SLCO1B3: variants seen among roughly 807,000 people sequenced by gnomAD.
SLCO1B3 encodes liver-specific organic anion transporter 2.
In SLCO1B3, 72 loss-of-function variants were observed where a neutral mutation model predicts 71.8. The observed-to-expected ratio is 1.00, with a 90% CI of 0.83 to 1.22. The LOEUF (loss-of-function observed/expected upper bound fraction) is 1.22, where lower values mean the gene tolerates loss of function less well. Among genes scored for constraint, SLCO1B3 ranks in the 50% most tolerant of loss-of-function variants. The probability of loss-of-function intolerance (pLI) is 0.00; values close to 1 mark genes in which losing one functional copy is unlikely to be tolerated. For missense variants in SLCO1B3, 911 were observed against 819.7 expected, an observed-to-expected ratio of 1.11 and a Z score of -1.36; for synonymous variants, 298 against 278.4, an observed-to-expected ratio of 1.07 and a Z score of -0.70.
chr12:20,812,153 C>T (rs954875181), intron 1 of SLCO1B3, among the ~76,000 whole-genome samples: 32 of 152,082 alleles, frequency 2.1e-4, no homozygotes, highest in Middle Eastern at 3.4e-3. Context: ...GTGATCTGCC[C>T]GCCTCGGCCT....
intron 3 of SLCO1B3, among the ~76,000 whole-genome samples, chr12:20,822,990 A>T (rs893819218): frequency 4.6e-5 from 7 of 152,124 alleles, no homozygotes; most frequent in Admixed American, 3.9e-4. Flanking sequence ...CATGGCTGTG[A>T]TGTTTTATTC....
In SLCO1B3 at chr12:20,814,871, C is replaced by T. The variant is rs368459847; in HGVS notation, c.-65-803C>T. On this transcript the variant is annotated intron_variant, in intron 2 of 15. Transcript: ENST00000381545. The stretch of plus-strand genomic sequence containing the variant: ...GAGATCACGCTACTGCCCTCCAGCC[C>T]GGGAGACAGAGCAAGACTCCGTCTC... 2.4e-4 allele frequency among the ~76,000 whole-genome samples: 36 copies of T among 147,358 alleles called. 1 individual carries two copies. The South Asian group carries it at 7.5e-3, about 31-fold the overall frequency.
Position 20,862,765 on chromosome 12 carries a change from A to G in SLCO1B3, c.638A>G (p.Asn213Ser), listed in dbSNP as rs923517038. The change falls in exon 8 of 16, where the codon AAT (asparagine) becomes AGT (serine). Residue 213 changes from asparagine to serine, a missense_variant. Coordinates refer to ENST00000381545, the MANE Select transcript of SLCO1B3 (RefSeq NM_019844.4). The stretch of plus-strand genomic sequence containing the variant: ...TTTGTAATACTTACAGGTAGTTTGA[A>G]TGCAATAGGAATGATTGGTCCAGTC... ...GHSSLYLGSLNAIGMIGPVIG... is the reference protein window; with the variant it reads ...GHSSLYLGSLSAIGMIGPVIG... The G allele has an allele frequency of 3.1e-6, 5 of 1,607,202 alleles. No homozygotes were observed. The highest frequency in any genetic ancestry group is 1.3e-5 in the African/African-American group (1 of 74,898).
At chr12:20,904,691 G>T (rs1302139774) in intron 15 of SLCO1B3, among the ~76,000 whole-genome samples, 1 of 147,406 alleles carries the variant, frequency 6.8e-6, no homozygotes, top group South Asian at 2.1e-4. Context: ...TCTCTGTACT[G>T]CCCTAGTATA....
At chr12:20,881,164 T>G (rs1865687321) in intron 12 of SLCO1B3, 144 bp downstream of exon 12, 1 of 584,078 alleles carries the variant, frequency 1.7e-6, no homozygotes, top group Non-Finnish European at 2.9e-6. Context: ...GTCCTCGTGA[T>G]AGCTGTGAAG....
chr12:20,876,570 A>T (rs995200752), intron 9 of SLCO1B3, among the ~76,000 whole-genome samples: 1 of 151,998 alleles, frequency 6.6e-6, no homozygotes, highest in African/African-American at 2.4e-5. Context: ...TTGTGTATTC[A>T]CTCATGAGAG....
intron 14 of SLCO1B3, among the ~76,000 whole-genome samples, chr12:20,900,593 A>G (rs2120377442): frequency 6.6e-6 from 1 of 152,330 alleles, no homozygotes; most frequent in South Asian, 2.1e-4. Flanking sequence ...CAGACCACTG[A>G]AAATATATGC....
chr12:20,883,366 C>G, intron 12 of SLCO1B3, 52 bp from the exon 13 acceptor site: 1 of 1,031,290 alleles, frequency 9.7e-7, no homozygotes, highest in Non-Finnish European at 1.4e-6. Flanking sequence ...GTATTCATAG[C>G]CCTGTTGTAT....
At chr12:20,907,994 G>T (rs979634073) in intron 15 of SLCO1B3, among the ~76,000 whole-genome samples, 21 of 152,100 alleles carry the variant, frequency 1.4e-4, no homozygotes, top group Non-Finnish European at 2.6e-4. Flanking sequence ...ATAACATTTT[G>T]AAATGGTGAT....
At chr12:20,893,166 G>A (rs1865936607) in intron 13 of SLCO1B3, among the ~76,000 whole-genome samples, 1 of 152,122 alleles carries the variant, frequency 6.6e-6, no homozygotes. Flanking sequence ...TGAGGACTGG[G>A]ATGGCCAAAA....
chr12:20,904,962 T>C (rs1187315173), intron 15 of SLCO1B3, among the ~76,000 whole-genome samples: 1 of 151,998 alleles, frequency 6.6e-6, no homozygotes, highest in East Asian at 1.9e-4. Flanking sequence ...TTAGTAGAGA[T>C]GGGGTCTTGC....
intron 3 of SLCO1B3, among the ~76,000 whole-genome samples, chr12:20,831,797 A>C (rs1427626212): frequency 6.6e-6 from 1 of 152,208 alleles, no homozygotes; most frequent in African/African-American, 2.4e-5. Context: ...AAATAGATCT[A>C]ATTCAGCAAC....
chr12:20,848,846 AAG>A (rs1276603422), intron 3 of SLCO1B3, among the ~76,000 whole-genome samples: 3 of 152,156 alleles, frequency 2.0e-5, no homozygotes, highest in African/African-American at 7.2e-5. Flanking sequence ...GGAAGAAAGA[AAG>A]AAACAGTGCA....
chr12:20,890,706 TG>T (rs1367374555), intron 13 of SLCO1B3, among the ~76,000 whole-genome samples: 1 of 152,204 alleles, frequency 6.6e-6, no homozygotes, highest in Non-Finnish European at 1.5e-5. Flanking sequence ...GCTCCAATGT[TG>T]GGTTTATATG....
intron 8 of SLCO1B3, among the ~76,000 whole-genome samples, chr12:20,871,220 C>T (rs1392845785): frequency 1.3e-5 from 2 of 152,142 alleles, no homozygotes; most frequent in African/African-American, 4.8e-5. Flanking sequence ...ATATTCCCTG[C>T]TCCTCCATTT....
chr12:20,889,040 C>T (rs914582492), intron 13 of SLCO1B3, among the ~76,000 whole-genome samples: 2 of 150,826 alleles, frequency 1.3e-5, no homozygotes, highest in Non-Finnish European at 2.9e-5. Context: ...AGGAAAAAGT[C>T]CACTTTTCAT....
chr12:20,818,018 G>A (rs978947113), intron 3 of SLCO1B3, among the ~76,000 whole-genome samples: 13 of 152,076 alleles, frequency 8.5e-5, no homozygotes, highest in South Asian at 2.1e-4. Flanking sequence ...AGTTGAGAAC[G>A]GTGAATAGGA....
Position 20,877,893 on chromosome 12 carries a change from G to C in SLCO1B3, c.1092G>C (p.Glu364Asp). Reference sequence around the variant, plus strand: ...TTACTTACGTCTTTAAATATATGGAGCAACAGTACGGTCAGTCTGCATCTC... The same window carrying C: ...TTACTTACGTCTTTAAATATATGGACCAACAGTACGGTCAGTCTGCATCTC... ...GSFTYVFKYM[E>D]QQYGQSASHA... Residue 364 changes from glutamate (E) to aspartate (D), a missense_variant, in exon 10 of 16, where the codon GAG becomes GAC. Glu to Asp is a conservative substitution (Grantham distance 45). Transcript: ENST00000381545. 6.3e-7 allele frequency: 1 copy of C among 1,590,194 alleles called. No individual in the cohort carries two copies. Among genetic ancestry groups the C allele is most frequent in the Non-Finnish European group, 8.5e-7 (1 of 1,170,894 alleles).
chr12:20,834,560 A>C (rs925818638), intron 3 of SLCO1B3, among the ~76,000 whole-genome samples: 11 of 151,008 alleles, frequency 7.3e-5, no homozygotes, highest in South Asian at 2.1e-4. Context: ...TTTAGCATCT[A>C]TCTCTCTGTA....
Sources: allele counts gnomAD v4.1 joint callset (sites outside exome capture counted in the v4.1 genomes callset), GRCh38; gene constraint gnomAD v4.1.1; transcripts MANE v1.5; gene names NCBI Gene and HGNC (gene_info 2026-07-23, HGNC 2026-07-21).